The following DOCK2 variants were observed in gnomAD, a reference collection of about 807,000 sequenced individuals.
The protein encoded by DOCK2 is dedicator of cytokinesis protein 2.
A neutral mutation model predicts 248.9 loss-of-function variants in DOCK2; 87 were observed. That is an observed-to-expected ratio of 0.35 (90% CI 0.29 to 0.42). The LOEUF (loss-of-function observed/expected upper bound fraction) is 0.42. DOCK2 is among the 10% of genes least tolerant of loss of function. DOCK2 has a pLI of 1.00. For missense variants in DOCK2, 1,747 were observed against 2,300.2 expected, an observed-to-expected ratio of 0.76 and a Z score of 4.92; for synonymous variants, 805 against 821.6, an observed-to-expected ratio of 0.98 and a Z score of 0.35.
intron 35 of DOCK2, among the ~76,000 whole-genome samples, chr5:170,035,544 G>A (rs9313488): frequency 0.027 from 4,058 of 152,208 alleles, 165 homozygotes; most frequent in African/African-American, 0.092. Flanking sequence ...TGTTTTCCAC[G>A]AGCTGAGCAG....
At chr5:169,995,808 T>G (rs542662255) in intron 29 of DOCK2, among the ~76,000 whole-genome samples, 2 of 152,318 alleles carry the variant, frequency 1.3e-5, no homozygotes, top group South Asian at 4.1e-4. Context: ...CTTTTCTGGA[T>G]AGCATGAATT....
intron 22 of DOCK2, among the ~76,000 whole-genome samples, chr5:169,747,114 G>A (rs535520247): frequency 1.1e-4 from 16 of 152,264 alleles, no homozygotes; most frequent in African/African-American, 3.8e-4. Context: ...TGTCTCCTCA[G>A]CTCAGACAAA....
At chr5:169,738,144 T>C (rs1763135987) in intron 22 of DOCK2, among the ~76,000 whole-genome samples, 1 of 152,208 alleles carries the variant, frequency 6.6e-6, no homozygotes, top group African/African-American at 2.4e-5. Context: ...GCACATTTGT[T>C]ACAGATGTCT....
At chr5:169,703,343 A>T (rs1761085139) in intron 14 of DOCK2, among the ~76,000 whole-genome samples, 3 of 152,154 alleles carry the variant, frequency 2.0e-5, no homozygotes, top group African/African-American at 7.2e-5. Context: ...GGGAATTACC[A>T]TGTGTCAGGC....
At chr5:169,806,111 G>C (rs451998) in intron 26 of DOCK2, among the ~76,000 whole-genome samples, 41,971 of 150,870 alleles carry the variant, frequency 0.28, 7,021 homozygotes, top group East Asian at 0.4. Context: ...TGATTACTTT[G>C]AGCTAAACTG....
chr5:169,860,235 C>T (rs1322454577), intron 27 of DOCK2, among the ~76,000 whole-genome samples: 1 of 152,120 alleles, frequency 6.6e-6, no homozygotes, highest in African/African-American at 2.4e-5. Flanking sequence ...GTTGGTATTA[C>T]AGGTGTGAGC....
chr5:169,994,887 G>A (rs1396948426), intron 29 of DOCK2, among the ~76,000 whole-genome samples: 2 of 152,150 alleles, frequency 1.3e-5, no homozygotes, highest in African/African-American at 4.8e-5. Context: ...GAAGAGACTG[G>A]AGGCTGCAAG....
At chr5:169,916,873 T>A (rs990384266) in intron 27 of DOCK2, among the ~76,000 whole-genome samples, 1 of 152,196 alleles carries the variant, frequency 6.6e-6, no homozygotes, top group Non-Finnish European at 1.5e-5. Flanking sequence ...AGCTAGTAAG[T>A]AATGGGGCCT....
In DOCK2 at chr5:169,654,440, C is replaced by A; in HGVS notation, c.81C>A (p.Leu27=). Residue 27 remains leucine, a synonymous_variant, in exon 2 of 52, where the codon CTC becomes CTA. Coordinates refer to ENST00000520908, the MANE Select transcript of DOCK2 (RefSeq NM_004946.3). The part of the protein sequence containing the change: ...YNFQGSGAPQ[L]SLQIGDVVRI... ...TCCAAGGCAGCGGAGCCCCCCAGCT[C>A]TCCCTGCAGATCGGCGATGTGGTGC... 6.2e-7 allele frequency: 1 copy of A among 1,614,206 alleles called. No individual in the cohort carries two copies. Among genetic ancestry groups the A allele is most frequent in the Non-Finnish European group, 8.5e-7 (1 of 1,180,032 alleles).
At chr5:169,959,898 G>A (rs1777015400) in intron 27 of DOCK2, among the ~76,000 whole-genome samples, 1 of 152,234 alleles carries the variant, frequency 6.6e-6, no homozygotes. Context: ...GCACTTCAGA[G>A]AGCTGAGCCT....
Position 169,696,179 on chromosome 5 carries a change from G to T in DOCK2, c.979+241G>T, listed in dbSNP as rs1224066468. Among the ~76,000 whole-genome samples, 3 of 152,326 alleles carry T rather than the reference G, an allele frequency of 2.0e-5. No individual in the cohort carries two copies. In the East Asian group the frequency reaches 5.8e-4, roughly 29 times the overall value. Reference sequence around the variant, plus strand: ...TCTTGTCTGGAGTAGAGCATCGGGAGACCGGGGCCGTCTGAGCAGTTGACA... The same window carrying T: ...TCTTGTCTGGAGTAGAGCATCGGGATACCGGGGCCGTCTGAGCAGTTGACA... On this transcript the variant is annotated intron_variant, in intron 10 of 51. Transcript: ENST00000520908.
chr5:170,019,728 A>G (rs1353255627), intron 33 of DOCK2, among the ~76,000 whole-genome samples: 1 of 152,200 alleles, frequency 6.6e-6, no homozygotes, highest in Non-Finnish European at 1.5e-5. Context: ...GGGCCTGGTC[A>G]CACTGGGAGC....
chr5:169,663,950 T>C (rs1354026593), intron 2 of DOCK2, among the ~76,000 whole-genome samples: 1 of 152,266 alleles, frequency 6.6e-6, no homozygotes, highest in African/African-American at 2.4e-5. Flanking sequence ...TGGGTTTTTC[T>C]TTTCTACCAC....
rs1241813043 is a variant in DOCK2, at chr5:169,771,594, T to A, written c.2554+9969T>A. On this transcript the variant is annotated intron_variant, in intron 25 of 51. Coordinates refer to ENST00000520908, the MANE Select transcript of DOCK2 (RefSeq NM_004946.3). ...CCGCACCCGGCCTTTTGTCTTTCTG[T>A]CAGATTGGTTGTATTTTTCTTATTG... is the stretch of plus-strand genomic sequence containing the variant. Among the ~76,000 whole-genome samples the A allele has an allele frequency of 2.0e-5, 3 of 152,298 alleles. No homozygotes were observed. The East Asian group carries it at 5.8e-4, about 29-fold the overall frequency.
intron 27 of DOCK2, among the ~76,000 whole-genome samples, chr5:169,959,130 T>C (rs1240448222): frequency 6.6e-6 from 1 of 152,104 alleles, no homozygotes; most frequent in Non-Finnish European, 1.5e-5. Flanking sequence ...TGGTGGCTCA[T>C]GCCTGTAATC....
At chr5:169,670,962 A>T in intron 4 of DOCK2, 116 bp from the exon 5 acceptor site, 1 of 759,916 alleles carries the variant, frequency 1.3e-6, no homozygotes, top group East Asian at 2.7e-5. Flanking sequence ...GAGGTGTTTT[A>T]GTCTAATGTC....
chr5:170,050,586 C>A (rs926795033), intron 41 of DOCK2, among the ~76,000 whole-genome samples, 189 bp downstream of exon 41: 3 of 152,128 alleles, frequency 2.0e-5, no homozygotes, highest in African/African-American at 2.4e-5. Flanking sequence ...TCTTCATGAT[C>A]CTGGCATCTT....
chr5:169,853,639 GA>G (rs1449933937), intron 27 of DOCK2, among the ~76,000 whole-genome samples: 2 of 152,052 alleles, frequency 1.3e-5, no homozygotes, highest in East Asian at 3.9e-4. Context: ...GGAGGGGAAA[GA>G]AATATGGCCC....
intron 2 of DOCK2, among the ~76,000 whole-genome samples, chr5:169,665,811 C>T (rs985687236): frequency 6.6e-6 from 1 of 152,170 alleles, no homozygotes; most frequent in Non-Finnish European, 1.5e-5. Context: ...GACTGGATCT[C>T]TAGACCTTGG....
Sources: gnomAD v4.1 joint callset for allele counts (sites outside exome capture counted in the v4.1 genomes callset) on GRCh38, gnomAD v4.1.1 for gene constraint, MANE v1.5 for transcripts, NCBI Gene and HGNC (gene_info 2026-07-23, HGNC 2026-07-21) for gene names.